Variants in CNBD1 observed in about 807,000 individuals in gnomAD.
The protein encoded by CNBD1 is cyclic nucleotide-binding domain-containing protein 1.
In CNBD1, 71 loss-of-function variants were observed where a neutral mutation model predicts 54.4. The ratio of observed to expected loss-of-function variants is 1.30; its 90% CI spans 1.08 to 1.59. The LOEUF is 1.59. Among genes scored for constraint, CNBD1 ranks in the 40% most tolerant of loss-of-function variants. The pLI is 0.00. For synonymous variants in CNBD1, 182 were observed against 170.7 expected (o/e 1.07, Z -0.51); for missense variants, 659 against 518.0 (o/e 1.27, Z -2.64).
At chr8:87,244,778 A>ATAAAT (rs1272619062) in intron 6 of CNBD1, among the ~76,000 whole-genome samples, 1 of 152,172 alleles carries the variant, frequency 6.6e-6, no homozygotes, top group Admixed American at 6.5e-5. Context: ...TTCAATAAGA[A>ATAAAT]TAAATTAAAT....
At chr8:87,304,108 C>G (rs1184941929) in intron 8 of CNBD1, among the ~76,000 whole-genome samples, 2 of 151,988 alleles carry the variant, frequency 1.3e-5, no homozygotes, top group African/African-American at 2.4e-5. Flanking sequence ...ACTAGAAATA[C>G]CATTTGACCC....
chr8:87,386,859 A>T (rs1279869602), downstream of CNBD1, among the ~76,000 whole-genome samples: 1 of 152,228 alleles, frequency 6.6e-6, no homozygotes, highest in Non-Finnish European at 1.5e-5. Context: ...GCTAGAGAGA[A>T]AGGTGGGGTT....
intron 2 of CNBD1, among the ~76,000 whole-genome samples, chr8:86,900,645 A>G (rs981718315): frequency 5.3e-5 from 8 of 152,286 alleles, no homozygotes; most frequent in Middle Eastern, 3.4e-3. Context: ...CTACTATAAC[A>G]ATCCTAAAGA....
At chr8:87,019,680 C>G (rs1324912321) in intron 4 of CNBD1, among the ~76,000 whole-genome samples, 1 of 152,080 alleles carries the variant, frequency 6.6e-6, no homozygotes, top group Non-Finnish European at 1.5e-5. Context: ...GAGTTCGAGA[C>G]CAGCCTGGCC....
chr8:87,372,003 G>C (rs1417381916), intron 10 of CNBD1, among the ~76,000 whole-genome samples: 1 of 151,942 alleles, frequency 6.6e-6, no homozygotes, highest in Non-Finnish European at 1.5e-5. Flanking sequence ...TTAGGCAGGA[G>C]AAGGAAATAA....
At chr8:87,017,902 G>A (rs983129853) in intron 4 of CNBD1, among the ~76,000 whole-genome samples, 1 of 152,120 alleles carries the variant, frequency 6.6e-6, no homozygotes, top group Non-Finnish European at 1.5e-5. Flanking sequence ...TATAAAGACT[G>A]AAACTAAAAT....
intron 6 of CNBD1, among the ~76,000 whole-genome samples, chr8:87,238,041 G>T (rs1287723212): frequency 7.3e-6 from 1 of 137,840 alleles, no homozygotes; most frequent in Non-Finnish European, 1.5e-5. Context: ...TAGCACAACA[G>T]CTGTAATTAG....
chr8:87,226,426 T>A (rs1563514536), intron 5 of CNBD1, among the ~76,000 whole-genome samples: 1 of 149,944 alleles, frequency 6.7e-6, no homozygotes, highest in African/African-American at 2.5e-5. Flanking sequence ...GTCCCAGAGA[T>A]TCTGGTATGT....
chr8:87,075,513 A>G (rs1810850374), intron 4 of CNBD1, among the ~76,000 whole-genome samples: 1 of 152,150 alleles, frequency 6.6e-6, no homozygotes, highest in African/African-American at 2.4e-5. Flanking sequence ...ATTCATCATG[A>G]TTGCTTCTTT....
intron 3 of CNBD1, among the ~76,000 whole-genome samples, chr8:86,912,195 A>T (rs1173402351): frequency 6.6e-6 from 1 of 152,192 alleles, no homozygotes; most frequent in Non-Finnish European, 1.5e-5. Context: ...TATCAAAAAA[A>T]TTTTAAAAAA....
chr8:87,193,946 G>C (rs1215783328), intron 4 of CNBD1, among the ~76,000 whole-genome samples: 4 of 152,130 alleles, frequency 2.6e-5, no homozygotes, highest in Admixed American at 1.3e-4. Flanking sequence ...CTAACCCTGG[G>C]CCATAGACTG....
rs1330734156 is a variant in CNBD1 at position 87,139,477 on chromosome 8, T to A, written c.432-66516T>A. On this transcript the variant is annotated intron_variant, in intron 4 of 10. Transcript: ENST00000518476. ...ACCCAGGAAGCCAGTGCAGTCCTCG[T>A]TTCATATTTCCCTGTGCCATGTGAT... Among the ~76,000 whole-genome samples, 2 of 152,134 alleles carry A rather than the reference T, an allele frequency of 1.3e-5. 1 individual carries two copies. Among genetic ancestry groups the A allele is most frequent in the African/African-American group, 4.8e-5 (2 of 41,442 alleles).
chr8:87,400,228 T>G (rs535955334), intron 2 of CNBD1, among the ~76,000 whole-genome samples: 1 of 152,124 alleles, frequency 6.6e-6, no homozygotes, highest in African/African-American at 2.4e-5. Context: ...GGTGCAAAGG[T>G]AATTGCATTT....
intron 4 of CNBD1, among the ~76,000 whole-genome samples, chr8:86,956,999 G>A (rs971423110): frequency 2.6e-5 from 4 of 152,110 alleles, no homozygotes; most frequent in Admixed American, 6.6e-5. Flanking sequence ...TTTGAGATAT[G>A]TCCCATCAAT....
At chr8:87,031,298 C>A (rs1019123422) in intron 4 of CNBD1, among the ~76,000 whole-genome samples, 1 of 151,820 alleles carries the variant, frequency 6.6e-6, no homozygotes, top group Non-Finnish European at 1.5e-5. Context: ...TGGAGTACAC[C>A]ACATCATGGA....
intron 4 of CNBD1, among the ~76,000 whole-genome samples, chr8:87,011,476 T>C (rs778061034): frequency 3.3e-5 from 5 of 152,178 alleles, no homozygotes; most frequent in Non-Finnish European, 5.9e-5. Flanking sequence ...TGAAAAATCA[T>C]AAAAGTTGGA....
intron 6 of CNBD1, among the ~76,000 whole-genome samples, chr8:87,283,388 TG>T (rs1281415234): frequency 1.3e-5 from 2 of 152,168 alleles, no homozygotes; most frequent in East Asian, 3.9e-4. Context: ...TTGTGTGGCT[TG>T]TAATTTTTTT....
chr8:87,371,730 C>A (rs1389754243), intron 10 of CNBD1, among the ~76,000 whole-genome samples: 2 of 151,914 alleles, frequency 1.3e-5, no homozygotes, highest in Non-Finnish European at 2.9e-5. Flanking sequence ...GAACCAAAGA[C>A]AAAAACCACA....
intron 4 of CNBD1, among the ~76,000 whole-genome samples, chr8:87,137,039 C>A (rs1196471312): frequency 3.8e-5 from 4 of 103,988 alleles, no homozygotes; most frequent in Non-Finnish European, 5.2e-5. Context: ...TATTTATATT[C>A]TATGTAAATT....
Sources: gnomAD v4.1 joint callset for allele counts (sites outside exome capture counted in the v4.1 genomes callset) on GRCh38, gnomAD v4.1.1 for gene constraint, MANE v1.5 for transcripts, NCBI Gene and HGNC (gene_info 2026-07-23, HGNC 2026-07-21) for gene names.